The following SDK1 variants were observed in gnomAD, a reference collection of about 807,000 sequenced individuals.
The protein encoded by SDK1 is sidekick cell adhesion molecule 1, also known as protein sidekick-1.
Under a neutral mutation model 245.5 loss-of-function variants are expected in SDK1, and 157 were observed. The observed-to-expected ratio is 0.64, with a 90% CI of 0.56 to 0.73. The LOEUF is 0.73. Among genes scored for constraint, SDK1 ranks in the 30% least tolerant of loss-of-function variants. The pLI is 0.00. For missense variants in SDK1, 3,583 were observed against 3,002.3 expected (o/e 1.19, Z -4.52); for synonymous variants, 1,647 against 1,278.5 (o/e 1.29, Z -6.15).
chr7:3,771,406 C>A (rs1439662188), intron 4 of SDK1, among the ~76,000 whole-genome samples: 1 of 152,098 alleles, frequency 6.6e-6, no homozygotes, highest in Admixed American at 6.5e-5. Flanking sequence ...ATTCATATTG[C>A]AAAGAGCAGA....
intron 5 of SDK1, among the ~76,000 whole-genome samples, chr7:3,845,276 G>C (rs1221107493): frequency 6.6e-6 from 1 of 152,070 alleles, no homozygotes; most frequent in African/African-American, 2.4e-5. Flanking sequence ...TGGATCACAA[G>C]GTCAGGAGTT....
chr7:3,789,250 C>A (rs1013765880), intron 4 of SDK1, among the ~76,000 whole-genome samples: 2 of 152,198 alleles, frequency 1.3e-5, no homozygotes, highest in African/African-American at 4.8e-5. Flanking sequence ...CAGGTTCAAG[C>A]GATTCTCCTG....
chr7:3,956,295 T>A (rs1781252804), intron 7 of SDK1, among the ~76,000 whole-genome samples: 1 of 152,188 alleles, frequency 6.6e-6, no homozygotes, highest in African/African-American at 2.4e-5. Flanking sequence ...ACTCACGGGC[T>A]TTTCACGGTC....
At chr7:3,861,647 G>T (rs1396097278) in intron 5 of SDK1, among the ~76,000 whole-genome samples, 1 of 152,100 alleles carries the variant, frequency 6.6e-6, no homozygotes, top group African/African-American at 2.4e-5. Context: ...CTTATTTGGG[G>T]CTAACACTTC....
intron 1 of SDK1, among the ~76,000 whole-genome samples, chr7:3,467,749 A>G (rs1302573077): frequency 6.6e-6 from 1 of 152,084 alleles, no homozygotes; most frequent in Non-Finnish European, 1.5e-5. Context: ...GGTAAACTTA[A>G]TTTTTTTAGT....
At chr7:3,974,736 T>C in intron 13 of SDK1, 191 bp downstream of exon 13, 2 of 538,822 alleles carry the variant, frequency 3.7e-6, no homozygotes. Context: ...ACTTCGGAAT[T>C]GAGAAGTTTC....
intron 4 of SDK1, among the ~76,000 whole-genome samples, chr7:3,662,497 T>G (rs922137511): frequency 3.9e-5 from 6 of 152,154 alleles, no homozygotes; most frequent in African/African-American, 1.2e-4. Context: ...AAGCCCCATT[T>G]AGCAAGGCAG....
At chr7:3,598,823 C>T (rs963158920) in intron 1 of SDK1, among the ~76,000 whole-genome samples, 4 of 151,926 alleles carry the variant, frequency 2.6e-5, no homozygotes, top group Admixed American at 1.3e-4. Flanking sequence ...AGTAGTAAAC[C>T]GTGGTGTGGA....
intron 5 of SDK1, among the ~76,000 whole-genome samples, chr7:3,884,651 A>C (rs1781294183): frequency 6.6e-6 from 1 of 152,160 alleles, no homozygotes; most frequent in Non-Finnish European, 1.5e-5. Flanking sequence ...CACTCACTGG[A>C]GGCTGAGGGC....
intron 5 of SDK1, among the ~76,000 whole-genome samples, chr7:3,851,598 T>G (rs1780421031): frequency 6.6e-6 from 1 of 150,440 alleles, no homozygotes; most frequent in South Asian, 2.1e-4. Flanking sequence ...CATGCCGGTG[T>G]TATGAGGATG....
intron 1 of SDK1, among the ~76,000 whole-genome samples, chr7:3,540,539 G>T (rs1322765489): frequency 8.0e-6 from 1 of 124,750 alleles, no homozygotes; most frequent in Non-Finnish European, 1.7e-5. Flanking sequence ...CTGAATCTAA[G>T]AAGAAGACTT....
At chr7:3,792,715 TCCA>T (rs1778842506) in intron 4 of SDK1, among the ~76,000 whole-genome samples, 1 of 151,302 alleles carries the variant, frequency 6.6e-6, no homozygotes, top group African/African-American at 2.4e-5. Flanking sequence ...CATCCATCCA[TCCA>T]TCCGTCTGTC....
chr7:3,338,134 C>G lies in SDK1; in HGVS notation c.298+36250C>G, dbSNP rs185693642. On this transcript the variant is annotated intron_variant, in intron 1 of 44. Coordinates refer to ENST00000404826, the MANE Select transcript of SDK1 (RefSeq NM_152744.4). Reference sequence around the variant, plus strand: ...TCTGTTAATTTGCCAAAATGATGAACGACAAAGAGAAAAGGGAGAGGCACC... The same window carrying G: ...TCTGTTAATTTGCCAAAATGATGAAGGACAAAGAGAAAAGGGAGAGGCACC... The G allele has an allele frequency of 2.5e-3, 511 of 206,116 alleles. 1 individual carries two copies. The highest frequency in any genetic ancestry group is 0.011 in the African/African-American group (471 of 42,926). 12.8% of individuals were successfully genotyped at this position (206,116 alleles called of 1,614,324 possible). A position where few individuals can be genotyped will look rare whatever the true frequency, so the allele number is the denominator to read the frequency against.
chr7:4,234,561 G>T (rs890930041), intron 41 of SDK1, among the ~76,000 whole-genome samples: 1 of 152,144 alleles, frequency 6.6e-6, no homozygotes, highest in African/African-American at 2.4e-5. Context: ...AGCCGTGGGT[G>T]GGGGAGCTGG....
chr7:4,145,974 C>G (rs1779945864), intron 29 of SDK1, 58 bp downstream of exon 29: 3 of 1,471,586 alleles, frequency 2.0e-6, no homozygotes, highest in Admixed American at 2.1e-5. Flanking sequence ...CTTCCTCAAT[C>G]AGGCCCTCTG....
intron 4 of SDK1, among the ~76,000 whole-genome samples, chr7:3,660,626 A>T (rs917383875): frequency 6.6e-6 from 1 of 152,188 alleles, no homozygotes; most frequent in African/African-American, 2.4e-5. Context: ...TAAATTAGAA[A>T]GCCTTCTGGA....
At chr7:3,540,692 G>A (rs1391597668) in intron 1 of SDK1, among the ~76,000 whole-genome samples, 3 of 152,192 alleles carry the variant, frequency 2.0e-5, no homozygotes, top group African/African-American at 7.2e-5. Flanking sequence ...GCATGGTGCA[G>A]TCTGTGACAC....
intron 28 of SDK1, among the ~76,000 whole-genome samples, chr7:4,142,263 C>A: frequency 6.6e-6 from 1 of 151,984 alleles, no homozygotes; most frequent in Non-Finnish European, 1.5e-5. Context: ...ATTCAGATGC[C>A]TGAACTTAAC....
intron 4 of SDK1, among the ~76,000 whole-genome samples, chr7:3,716,564 A>T (rs1367035092): frequency 6.6e-6 from 1 of 152,074 alleles, no homozygotes; most frequent in Non-Finnish European, 1.5e-5. Context: ...ATTTGAGGCC[A>T]GCCTGGGCAA....
Sources: allele counts gnomAD v4.1 joint callset (sites outside exome capture counted in the v4.1 genomes callset), GRCh38; gene constraint gnomAD v4.1.1; transcripts MANE v1.5; gene names NCBI Gene and HGNC (gene_info 2026-07-23, HGNC 2026-07-21).